Variants in SORCS1 observed in about 807,000 individuals in gnomAD.
SORCS1 encodes sortilin related VPS10 domain containing receptor 1.
SORCS1 carries 60 observed loss-of-function variants against 146.1 expected under a neutral mutation model. The ratio of observed to expected loss-of-function variants is 0.41; its 90% confidence interval spans 0.33 to 0.51. SORCS1 has a LOEUF of 0.51. SORCS1 is among the 20% of genes least tolerant of loss of function. The pLI is 0.21. For missense variants in SORCS1, 1,352 were observed against 1,487.6 expected (o/e 0.91, Z 1.50); for synonymous variants, 637 against 584.0 (o/e 1.09, Z -1.31).
chr10:106,994,951 T>A lies in SORCS1; in HGVS notation c.559-38371A>T, dbSNP rs1956929332. On this transcript the variant is annotated intron_variant, in intron 1 of 25. Coordinates refer to ENST00000263054, the MANE Select transcript of SORCS1 (RefSeq NM_052918.5). Reference sequence around the variant, plus strand: ...TTAAATGGAAACCTTGTCAACAGAATGACTATTAGTAATAACTGAACGTCG... The same window carrying A: ...TTAAATGGAAACCTTGTCAACAGAAAGACTATTAGTAATAACTGAACGTCG... Among the ~76,000 whole-genome samples, 5 of 152,282 alleles carry A rather than the reference T, an allele frequency of 3.3e-5. No homozygotes were observed. In the East Asian group the frequency reaches 9.7e-4, roughly 29 times the overall value.
chr10:107,098,638 A>G (rs1964698850), intron 1 of SORCS1, among the ~76,000 whole-genome samples: 1 of 152,254 alleles, frequency 6.6e-6, no homozygotes, highest in Non-Finnish European at 1.5e-5. Flanking sequence ...AAATTTAATT[A>G]ATGCCTTTGT....
At chr10:106,645,830 AG>A (rs1462363145) in intron 18 of SORCS1, among the ~76,000 whole-genome samples, 1 of 152,060 alleles carries the variant, frequency 6.6e-6, no homozygotes, top group Non-Finnish European at 1.5e-5. Flanking sequence ...TTTTCCCTCT[AG>A]GGCTTAATTT....
At chr10:106,876,706 G>A (rs1157164777) in intron 2 of SORCS1, among the ~76,000 whole-genome samples, 1 of 152,194 alleles carries the variant, frequency 6.6e-6, no homozygotes, top group East Asian at 1.9e-4. Context: ...CTAAAATCCT[G>A]TTCAGAGATT....
chr10:106,714,773 A>G (rs555817315), intron 6 of SORCS1, among the ~76,000 whole-genome samples: 29 of 152,278 alleles, frequency 1.9e-4, no homozygotes, highest in Non-Finnish European at 4.1e-4. Flanking sequence ...CAGCCGGGCA[A>G]GTAGGGGAGC....
chr10:106,652,962 T>C lies in SORCS1; in HGVS notation c.2304-409A>G, dbSNP rs80073783. Among the ~76,000 whole-genome samples the C allele has an allele frequency of 2.6e-3, 402 of 152,280 alleles. 20 individuals are homozygous for C. The East Asian group carries it at 0.058, about 22-fold the overall frequency. On this transcript the variant is annotated intron_variant, in intron 17 of 25. Transcript: ENST00000263054. ...GAGTAATAAATATCGCAAAGGAATT[T>C]ACAATTCAGAGAAAAAATAGATTAT...
chr10:107,027,055 T>C (rs1048220051), intron 1 of SORCS1, among the ~76,000 whole-genome samples: 2 of 146,644 alleles, frequency 1.4e-5, no homozygotes, highest in Non-Finnish European at 3.0e-5. Context: ...TATAAATATA[T>C]AAAATATAAA....
At chr10:106,652,267 T>C in intron 18 of SORCS1, 115 bp downstream of exon 18, 1 of 1,149,938 alleles carries the variant, frequency 8.7e-7, no homozygotes, top group Non-Finnish European at 1.2e-6. Flanking sequence ...AAATAAAAAT[T>C]TTTAAATAGC....
intron 17 of SORCS1, among the ~76,000 whole-genome samples, chr10:106,666,231 TC>T (rs1467025104): frequency 3.3e-5 from 5 of 152,210 alleles, no homozygotes; most frequent in African/African-American, 1.2e-4. Flanking sequence ...CCTCATCCAA[TC>T]AGCTGAAGGC....
rs11461091 is a variant in SORCS1 at position 106,960,411 on chromosome 10, C to CTT, written c.559-3833_559-3832dup. 0.028 allele frequency among the ~76,000 whole-genome samples: 4,008 copies of CTT among 145,508 alleles called. 126 individuals are homozygous for CTT. Among genetic ancestry groups the CTT allele is most frequent in the African/African-American group, 0.077 (3,062 of 39,856 alleles). ...CCATACGTTTTCTCTTTTTCTTTTTCTTTTTTTTTTTTGAGATGGAATCTC... is the reference window on the plus strand; with the variant it reads ...CCATACGTTTTCTCTTTTTCTTTTTCTTTTTTTTTTTTTTGAGATGGAATCTC... On this transcript the variant is annotated intron_variant, in intron 1 of 25. Transcript: ENST00000263054. The surrounding 1 kb of genome is among the most constrained non-coding windows in gnomAD (Gnocchi z 4.4).
At chr10:106,774,426 AGT>A (rs3045083) in intron 4 of SORCS1, among the ~76,000 whole-genome samples, 3,566 of 147,366 alleles carry the variant, frequency 0.024, 84 homozygotes, top group African/African-American at 0.056. Flanking sequence ...TAGGTTCCAA[AGT>A]GTGTGTGTGT....
At chr10:106,727,858 A>G (rs1856313932) in intron 6 of SORCS1, among the ~76,000 whole-genome samples, 1 of 152,206 alleles carries the variant, frequency 6.6e-6, no homozygotes, top group Non-Finnish European at 1.5e-5. Flanking sequence ...CTTTATGGCA[A>G]GACACATACC....
intron 19 of SORCS1, among the ~76,000 whole-genome samples, chr10:106,628,626 C>T (rs1848245224): frequency 6.6e-6 from 1 of 152,198 alleles, no homozygotes; most frequent in African/African-American, 2.4e-5. Flanking sequence ...CTGTTTCCTA[C>T]CACAGTTTCC....
intron 1 of SORCS1, among the ~76,000 whole-genome samples, chr10:107,128,126 A>G (rs1157467022): frequency 6.6e-6 from 1 of 152,212 alleles, no homozygotes; most frequent in Non-Finnish European, 1.5e-5. Flanking sequence ...AGGTCTTACA[A>G]TCTTCATAGG....
chr10:107,137,739 G>A (rs1967442250), intron 1 of SORCS1, among the ~76,000 whole-genome samples: 1 of 152,034 alleles, frequency 6.6e-6, no homozygotes, highest in South Asian at 2.1e-4. Context: ...GCACATGCCT[G>A]TAATCCCAGC....
intron 14 of SORCS1, among the ~76,000 whole-genome samples, chr10:106,674,090 G>A (rs1851818344): frequency 6.6e-6 from 1 of 150,806 alleles, no homozygotes. Context: ...GCCGAGGCAG[G>A]TGGATCACAA....
At position 106,591,795 on chromosome 10, in the gene SORCS1, A is replaced by T. The variant is rs114069789; in HGVS notation, c.3265+5556T>A. Among the ~76,000 whole-genome samples, 488 of 152,304 alleles carry T rather than the reference A, an allele frequency of 3.2e-3. 4 individuals are homozygous for T. The highest frequency in any genetic ancestry group is 0.011 in the African/African-American group (465 of 41,564). On this transcript the variant is annotated intron_variant, in intron 24 of 25. Transcript: ENST00000263054. ...CAAGGGGAAGATGTTGTCCAGGCAA[A>T]TGTCTCTGGAAAGATGTCATGCAAA...
At chr10:107,067,434 A>G (rs1373168665) in intron 1 of SORCS1, among the ~76,000 whole-genome samples, 1 of 152,138 alleles carries the variant, frequency 6.6e-6, no homozygotes, top group Non-Finnish European at 1.5e-5. Context: ...AACTGCAGGT[A>G]GCAACAGTCC....
chr10:107,142,124 G>T (rs961986801), intron 1 of SORCS1, among the ~76,000 whole-genome samples: 2 of 152,094 alleles, frequency 1.3e-5, no homozygotes, highest in African/African-American at 4.8e-5. Flanking sequence ...ATGGACCCTG[G>T]CTTGGCCCTC....
At chr10:106,726,498 T>C (rs1207023153) in intron 6 of SORCS1, among the ~76,000 whole-genome samples, 3 of 151,374 alleles carry the variant, frequency 2.0e-5, no homozygotes, top group Non-Finnish European at 2.9e-5. Flanking sequence ...ACAGGAATAA[T>C]GCTGGGTGTA....
Sources: gnomAD v4.1 joint callset for allele counts (sites outside exome capture counted in the v4.1 genomes callset) on GRCh38, gnomAD v4.1.1 for gene constraint, Gnocchi (gnomAD v3.1) non-coding constraint, MANE v1.5 for transcripts, NCBI Gene and HGNC (gene_info 2026-07-23, HGNC 2026-07-21) for gene names.